Variants in CCDC112 observed in about 807,000 individuals in gnomAD.
CCDC112 encodes the protein coiled-coil domain-containing protein 112.
CCDC112 carries 40 observed loss-of-function variants against 66.3 expected under a neutral mutation model. The ratio of observed to expected loss-of-function variants is 0.60; its 90% CI spans 0.47 to 0.79. The LOEUF (loss-of-function observed/expected upper bound fraction) is 0.79, where lower values mean the gene tolerates loss of function less well. Ranked by LOEUF, CCDC112 falls within the 30% of genes least tolerant of loss-of-function variation. The probability of loss-of-function intolerance (pLI) is 0.00; values close to 1 mark genes in which losing one functional copy is unlikely to be tolerated. For synonymous variants in CCDC112, 214 were observed against 197.2 expected (o/e 1.09, Z -0.71); for missense variants, 659 against 603.8 (o/e 1.09, Z -0.96).
In CCDC112 at chr5:115,269,628, T is replaced by A. The variant is rs941405754; in HGVS notation, c.1428+75A>T. On this transcript the variant is annotated intron_variant, in intron 8 of 9. Transcript: ENST00000379611. ...GAAATAAGGTGAGATATAAAGGAAA[T>A]AGATTTGATGTCAGTATCCTTACAA... The A allele has an allele frequency of 7.0e-6, 7 of 998,816 alleles. No homozygotes were observed. In the African/African-American group the frequency reaches 1.0e-4, roughly 14 times the overall value. 61.9% of individuals were successfully genotyped at this position (998,816 alleles called of 1,614,324 possible).
intron 6 of CCDC112, among the ~76,000 whole-genome samples, chr5:115,271,904 T>G (rs1749016440): frequency 6.6e-6 from 1 of 151,816 alleles, no homozygotes; most frequent in Admixed American, 6.6e-5. Flanking sequence ...TGAATGATCC[T>G]TCTCCTCTTT....
At chr5:115,296,393 C>A in intron 1 of CCDC112, 34 bp downstream of exon 1, 1 of 1,552,570 alleles carries the variant, frequency 6.4e-7, no homozygotes, top group Non-Finnish European at 8.6e-7. Context: ...CCCTCGCCTG[C>A]CGCCAGAGCA....
intron 3 of CCDC112, 139 bp downstream of exon 3, chr5:115,279,508 G>C: frequency 1.2e-6 from 1 of 828,732 alleles, no homozygotes; most frequent in Non-Finnish European, 1.9e-6. Flanking sequence ...CTAAAATACA[G>C]AGAATATAAC....
At chr5:115,274,803 C>T (rs2127055230) in intron 6 of CCDC112, among the ~76,000 whole-genome samples, 1 of 152,284 alleles carries the variant, frequency 6.6e-6, no homozygotes, top group Non-Finnish European at 1.5e-5. Context: ...TGCAGTGGTG[C>T]AATCACAGAT....
intron 1 of CCDC112, chr5:115,288,933 T>C (rs1749801873): frequency 2.3e-6 from 1 of 438,034 alleles, no homozygotes; most frequent in Admixed American, 2.5e-5. Flanking sequence ...CTCTGGATTG[T>C]ACAAGGAGGG....
At chr5:115,281,299 C>T (rs1391337939) in intron 2 of CCDC112, among the ~76,000 whole-genome samples, 1 of 152,160 alleles carries the variant, frequency 6.6e-6, no homozygotes, top group Non-Finnish European at 1.5e-5. Flanking sequence ...GCTGGGATTA[C>T]AGGCATGAGC....
At chr5:115,295,905 G>C in intron 1 of CCDC112, 1 of 985,582 alleles carries the variant, frequency 1.0e-6, no homozygotes. Flanking sequence ...TCTGAACAAA[G>C]ATACCTTGTC....
At chr5:115,290,870 G>GT (rs1158618663) in intron 1 of CCDC112, among the ~76,000 whole-genome samples, 24 of 151,958 alleles carry the variant, frequency 1.6e-4, no homozygotes, top group African/African-American at 5.3e-4. Flanking sequence ...TAGTTTTCTA[G>GT]TAAGTTTTTT....
In CCDC112 at chr5:115,271,572, A is replaced by T. The variant is rs1178886185; in HGVS notation, c.973T>A (p.Leu325Ile). 1.4e-5 allele frequency: 22 copies of T among 1,563,610 alleles called. No individual in the cohort carries two copies. The highest frequency in any genetic ancestry group is 1.9e-5 in the Non-Finnish European group (22 of 1,162,564). The change falls in exon 7 of 10, where the codon TTA becomes ATA. Residue 325 changes from leucine to isoleucine, a missense_variant. By Grantham distance (5) the Leu-to-Ile change is conservative (BLOSUM62 2). Coordinates refer to ENST00000379611, the MANE Select transcript of CCDC112 (RefSeq NM_001040440.3). Reference protein sequence around the residue: ...KQQKREEIFKLKEKADNTPVL... With the variant: ...KQQKREEIFKIKEKADNTPVL... The stretch of plus-strand genomic sequence containing the variant: ...GGTGTGTTGTCTGCCTTTTCCTTTA[A>T]CTTGAAAATTTCCTCCCTTTTTTGC...
rs759169759 is a variant in CCDC112, at chr5:115,268,897, A to G, written c.1532T>C (p.Leu511Pro). Reference protein sequence around the residue: ...KIGPTGSGPLLHIPHRAIPTW... With the variant: ...KIGPTGSGPLPHIPHRAIPTW... ...TCTTTCTTACCTATGTGGGATATGT[A>G]GAAGTGGCCCAGAGCCTGTTGGTCC... The change falls in exon 9 of 10, where the codon CTA becomes CCA. Residue 511 changes from leucine (L) to proline (P), a missense_variant. By Grantham distance (98) the Leu-to-Pro change is moderately conservative. Transcript: ENST00000379611. 1 of 1,593,668 alleles carries G rather than the reference A, an allele frequency of 6.3e-7. No homozygotes were observed. Among genetic ancestry groups the G allele is most frequent in the Non-Finnish European group, 8.6e-7 (1 of 1,169,432 alleles).
At chr5:115,277,386 T>C (rs2127058656) in intron 3 of CCDC112, among the ~76,000 whole-genome samples, 1 of 152,342 alleles carries the variant, frequency 6.6e-6, no homozygotes, top group South Asian at 2.1e-4. Flanking sequence ...TTTTGTTCTT[T>C]AATAGTGTTT....
chr5:115,276,923 T>C, intron 4 of CCDC112, 42 bp downstream of exon 4: 2 of 1,311,098 alleles, frequency 1.5e-6, no homozygotes, highest in Non-Finnish European at 2.2e-6. Flanking sequence ...AAACAGAAAA[T>C]ACTAACACAT....
At chr5:115,282,680 G>A (rs1378794418) in intron 2 of CCDC112, among the ~76,000 whole-genome samples, 1 of 152,002 alleles carries the variant, frequency 6.6e-6, no homozygotes, top group Non-Finnish European at 1.5e-5. Flanking sequence ...AAAATATCTG[G>A]GGAAGGATAC....
rs1395989599 is a variant in CCDC112, at chr5:115,282,347, CATCT to C, written c.239+2436_239+2439del. The stretch of plus-strand genomic sequence containing the variant: ...AGTTTTACCTCTCATTTCATCTATC[CATCT>C]ATCTTTGCTTTGCTCAGTTTAAGTA... On this transcript the variant is annotated intron_variant, in intron 2 of 9. Coordinates refer to ENST00000379611, the MANE Select transcript of CCDC112 (RefSeq NM_001040440.3). Among the ~76,000 whole-genome samples, 8 of 152,214 alleles carry C rather than the reference CATCT, an allele frequency of 5.3e-5. No homozygotes were observed. The East Asian group carries it at 1.3e-3, about 26-fold the overall frequency.
chr5:115,283,174 T>C (rs1177102245), intron 2 of CCDC112, among the ~76,000 whole-genome samples: 1 of 152,174 alleles, frequency 6.6e-6, no homozygotes. Flanking sequence ...ACTTCAAGCA[T>C]ACAATACGTT....
chr5:115,291,335 A>G (rs370334450), intron 1 of CCDC112, among the ~76,000 whole-genome samples: 47 of 152,222 alleles, frequency 3.1e-4, no homozygotes, highest in Non-Finnish European at 5.0e-4. Context: ...ATAAACTGCA[A>G]TTGATCATGG....
At chr5:115,287,881 T>C (rs1378029116) in intron 1 of CCDC112, among the ~76,000 whole-genome samples, 2 of 151,986 alleles carry the variant, frequency 1.3e-5, no homozygotes, top group Admixed American at 1.3e-4. Context: ...CTTCAAAATA[T>C]TATTTAATAA....
At position 115,271,265 on chromosome 5, in the gene CCDC112, T is replaced by C; in HGVS notation, c.1280A>G (p.Lys427Arg). The C allele has an allele frequency of 6.3e-7, 1 of 1,594,550 alleles. No individual in the cohort carries two copies. Among genetic ancestry groups the C allele is most frequent in the Admixed American group, 1.8e-5 (1 of 54,382 alleles). Reference sequence around the variant, plus strand: ...AGCAGCATTTTTCCTTTTTTCTGCCTTTTCTGCCTTTTCCCTTATCTCCTT... The same window carrying C: ...AGCAGCATTTTTCCTTTTTTCTGCCCTTTCTGCCTTTTCCCTTATCTCCTT... ...LEKEIREKAE[K>R]AEKRKNAADE... Residue 427 changes from lysine to arginine, a missense_variant, in exon 7 of 10, where the codon AAG (lysine) becomes AGG (arginine). Coordinates refer to ENST00000379611, the MANE Select transcript of CCDC112 (RefSeq NM_001040440.3).
In CCDC112 at chr5:115,271,446, T is replaced by C. The variant is rs992808168; in HGVS notation, c.1099A>G (p.Ile367Val). Residue 367 changes from isoleucine to valine, a missense_variant, in exon 7 of 10, where the codon ATA becomes GTA. By Grantham distance (29) the Ile-to-Val change is conservative. Transcript: ENST00000379611. Reference protein sequence around the residue: ...AVEAWKKQKSIEMSMKCASQL... With the variant: ...AVEAWKKQKSVEMSMKCASQL... ...GAAGCACATTTCATTGACATTTCTA[T>C]ACTTTTCTGTTTCTTCCAAGCTTCA... 4 of 1,611,784 alleles carry C rather than the reference T, an allele frequency of 2.5e-6. No homozygotes were observed. Among genetic ancestry groups the C allele is most frequent in the Non-Finnish European group, 3.4e-6 (4 of 1,179,574 alleles).
Sources: gnomAD v4.1 joint callset for allele counts (sites outside exome capture counted in the v4.1 genomes callset) on GRCh38, gnomAD v4.1.1 for gene constraint, MANE v1.5 for transcripts, NCBI Gene and HGNC (gene_info 2026-07-23, HGNC 2026-07-21) for gene names.